The following ITPK1 variants were observed in gnomAD, a reference collection of about 807,000 sequenced individuals.
The protein encoded by ITPK1 is inositol 1,3,4-trisphosphate 5/6-kinase.
Under a neutral mutation model 45.3 loss-of-function variants are expected in ITPK1, and 21 were observed. The ratio of observed to expected loss-of-function variants is 0.46; its 90% CI spans 0.33 to 0.67. The LOEUF (loss-of-function observed/expected upper bound fraction) is 0.67. Ranked by LOEUF, ITPK1 falls within the 30% of genes least tolerant of loss-of-function variation. The pLI, the probability that ITPK1 is intolerant of heterozygous loss-of-function variation, is 0.02. For synonymous variants in ITPK1, 258 were observed against 253.6 expected (o/e 1.02, Z -0.16); for missense variants, 474 against 573.5 (o/e 0.83, Z 1.77).
chr14:93,088,037 G>A (rs1169194439), intron 2 of ITPK1, among the ~76,000 whole-genome samples: 1 of 152,192 alleles, frequency 6.6e-6, no homozygotes, highest in African/African-American at 2.4e-5. Context: ...CATCAGAGGT[G>A]CCCAGGCACC....
intron 2 of ITPK1, among the ~76,000 whole-genome samples, chr14:93,097,489 C>A (rs1892126734): frequency 6.6e-6 from 1 of 152,162 alleles, no homozygotes; most frequent in African/African-American, 2.4e-5. Context: ...AAGCTGACCA[C>A]ACACACGCAA....
At chr14:92,956,785 C>T (rs913693421) in intron 8 of ITPK1, among the ~76,000 whole-genome samples, 5 of 152,036 alleles carry the variant, frequency 3.3e-5, no homozygotes, top group Non-Finnish European at 7.4e-5. Flanking sequence ...AGGGAATAAA[C>T]AGCATTTTAA....
intron 5 of ITPK1, among the ~76,000 whole-genome samples, chr14:92,980,535 G>A (rs1341842359): frequency 6.6e-6 from 1 of 152,168 alleles, no homozygotes; most frequent in Non-Finnish European, 1.5e-5. Context: ...TGTCTGTGCT[G>A]TATCTGCCAC....
chr14:92,962,356 T>C lies in ITPK1; in HGVS notation c.503A>G (p.Glu168Gly). 1 of 1,607,446 alleles carries C rather than the reference T, an allele frequency of 6.2e-7. No homozygotes were observed. The highest frequency in any genetic ancestry group is 8.5e-7 in the Non-Finnish European group (1 of 1,173,974). ...TRVAHGTNSHEMAIVFNQEGL... is the reference protein window; with the variant it reads ...TRVAHGTNSHGMAIVFNQEGL... ...ACAGTCAGATCTTCTTCCACTCACC[T>C]CGTGAGAGTTGGTGCCATGAGCCAC... Residue 168 changes from glutamate to glycine, a missense_variant and splice_region_variant, in exon 7 of 11, where the codon GAG (glutamate) becomes GGG (glycine). Around this residue, in one of 2 missense-constraint regions of ITPK1, gnomAD observed 367 missense variants for 480.6 expected, o/e 0.76. Transcript: ENST00000267615.
intron 2 of ITPK1, among the ~76,000 whole-genome samples, chr14:93,081,323 G>A (rs1891426071): frequency 7.0e-6 from 1 of 143,688 alleles, no homozygotes; most frequent in South Asian, 2.2e-4. Flanking sequence ...AACAGAGCGA[G>A]ATGCCGTCTC....
At chr14:93,106,208 T>C (rs1217387834) in intron 2 of ITPK1, among the ~76,000 whole-genome samples, 2 of 147,028 alleles carry the variant, frequency 1.4e-5, no homozygotes, top group Non-Finnish European at 3.0e-5. Flanking sequence ...AGCGGCTCAT[T>C]TCCAGAACAC....
chr14:92,948,613 C>T (rs974239861), intron 9 of ITPK1, among the ~76,000 whole-genome samples: 3 of 151,652 alleles, frequency 2.0e-5, no homozygotes, highest in Non-Finnish European at 2.9e-5. Context: ...GCTGGGATTA[C>T]AGGTGTGAGC....
At position 93,060,269 on chromosome 14, in the gene ITPK1, A is replaced by G. The variant is rs1595178558; in HGVS notation, c.120+16326T>C. Reference sequence around the variant, plus strand: ...CCCCGCTGCTCCCTTAACCCTGCCCACAGCTCAACAAACAGCCCCTGCTTT... The same window carrying G: ...CCCCGCTGCTCCCTTAACCCTGCCCGCAGCTCAACAAACAGCCCCTGCTTT... On this transcript the variant is annotated intron_variant, in intron 3 of 10. Coordinates refer to ENST00000267615, the MANE Select transcript of ITPK1 (RefSeq NM_014216.6). Among the ~76,000 whole-genome samples, 4 of 152,272 alleles carry G rather than the reference A, an allele frequency of 2.6e-5. No homozygotes were observed. In the South Asian group the frequency reaches 8.3e-4, roughly 32 times the overall value.
intron 10 of ITPK1, among the ~76,000 whole-genome samples, chr14:92,944,204 A>G (rs1388638570): frequency 6.6e-6 from 1 of 152,122 alleles, no homozygotes; most frequent in African/African-American, 2.4e-5. Flanking sequence ...CCATGGCCCA[A>G]GGTGCCTCCT....
intron 1 of ITPK1, 124 bp from the exon 2 acceptor site, chr14:93,115,429 T>G: frequency 6.7e-6 from 1 of 148,684 alleles, no homozygotes; most frequent in African/African-American, 2.4e-5. Context: ...GCCTGCGGGC[T>G]CGCCCGCCCG....
chr14:92,958,654 A>G lies in ITPK1; in HGVS notation c.505-288T>C, dbSNP rs556458359. ...GCACAACTTCTGAGAGCGTGACACC[A>G]CTTGTCGCACTGTGGTCCAGGGAAG... On this transcript the variant is annotated intron_variant, in intron 7 of 10. Transcript: ENST00000267615. The surrounding 1 kb of genome is among the most constrained non-coding windows in gnomAD (Gnocchi z 4.4). Among the ~76,000 whole-genome samples, 4 of 152,220 alleles carry G rather than the reference A, an allele frequency of 2.6e-5. No individual in the cohort carries two copies. The South Asian group carries it at 8.3e-4, about 32-fold the overall frequency.
chr14:92,987,583 A>G (rs1324924454), intron 5 of ITPK1, among the ~76,000 whole-genome samples: 2 of 152,152 alleles, frequency 1.3e-5, no homozygotes, highest in East Asian at 3.8e-4. Context: ...AATCAGCTGT[A>G]AAATAGATGT....
chr14:93,029,360 G>T (rs1436593143), intron 3 of ITPK1, among the ~76,000 whole-genome samples: 1 of 152,176 alleles, frequency 6.6e-6, no homozygotes, highest in Non-Finnish European at 1.5e-5. Context: ...GGACTCTGGA[G>T]GGTATGGTGG....
At chr14:92,999,567 C>T (rs1359341284) in intron 4 of ITPK1, among the ~76,000 whole-genome samples, 3 of 152,324 alleles carry the variant, frequency 2.0e-5, no homozygotes, top group South Asian at 4.1e-4. Context: ...CCACACAGAG[C>T]CTGGAAACCC....
intron 5 of ITPK1, among the ~76,000 whole-genome samples, chr14:92,975,875 G>A (rs967284994): frequency 2.0e-5 from 3 of 152,148 alleles, no homozygotes; most frequent in African/African-American, 7.2e-5. Flanking sequence ...CCGGTGGGAG[G>A]TAATTGAATC....
At position 93,017,218 on chromosome 14, in the gene ITPK1, A is replaced by G. The variant is rs115037971; in HGVS notation, c.121-417T>C. 8.6e-3 allele frequency among the ~76,000 whole-genome samples: 1,310 copies of G among 152,312 alleles called. 13 individuals are homozygous for G. The highest frequency in any genetic ancestry group is 0.03 in the African/African-American group (1,237 of 41,558). On this transcript the variant is annotated intron_variant, in intron 3 of 10. Transcript: ENST00000267615. ...ACTAGGGTTCCAAGGGGTTATGTAA[A>G]TGACTAACATCGCACAGCCAGATCA... is the stretch of plus-strand genomic sequence containing the variant.
chr14:93,019,017 T>A lies in ITPK1; in HGVS notation c.121-2216A>T, dbSNP rs146633305. Among the ~76,000 whole-genome samples, 599 of 152,096 alleles carry A rather than the reference T, an allele frequency of 3.9e-3. 3 individuals are homozygous for A. The highest frequency in any genetic ancestry group is 0.014 in the African/African-American group (579 of 41,480). On this transcript the variant is annotated intron_variant, in intron 3 of 10. Coordinates refer to ENST00000267615, the MANE Select transcript of ITPK1 (RefSeq NM_014216.6). ...TCCAAATTACACTCCACCCAATACC[T>A]CTTCCCAGAAAAAGCAGACTCTGAA...
At chr14:93,021,004 G>A (rs1888433918) in intron 3 of ITPK1, among the ~76,000 whole-genome samples, 1 of 152,092 alleles carries the variant, frequency 6.6e-6, no homozygotes, top group Admixed American at 6.6e-5. Flanking sequence ...ACTCTTAGCA[G>A]TACCTAGCCA....
At chr14:93,088,672 G>T (rs1171487891) in intron 2 of ITPK1, among the ~76,000 whole-genome samples, 1 of 151,372 alleles carries the variant, frequency 6.6e-6, no homozygotes, top group East Asian at 1.9e-4. Context: ...TTTATTTTTT[G>T]TAGAGACAGG....
Sources: allele counts gnomAD v4.1 joint callset (sites outside exome capture counted in the v4.1 genomes callset), GRCh38; gene constraint gnomAD v4.1.1; regional missense constraint gnomAD v4.1.1; non-coding constraint Gnocchi (gnomAD v3.1); transcripts MANE v1.5; gene names NCBI Gene and HGNC (gene_info 2026-07-23, HGNC 2026-07-21).